PHKB: variants seen among roughly 807,000 people sequenced by gnomAD.
PHKB encodes phosphorylase b kinase regulatory subunit beta.
Under a neutral mutation model 152.1 loss-of-function variants are expected in PHKB, and 122 were observed. That is an observed-to-expected ratio of 0.80 (90% CI 0.69 to 0.93). The LOEUF is 0.93. PHKB is among the 40% of genes least tolerant of loss of function. PHKB has a pLI of 0.00. For synonymous variants in PHKB, 436 were observed against 464.9 expected (o/e 0.94, Z 0.80); for missense variants, 1,304 against 1,328.4 (o/e 0.98, Z 0.29).
At chr16:47,558,813 G>T (rs1335097276) in intron 7 of PHKB, among the ~76,000 whole-genome samples, 1 of 152,188 alleles carries the variant, frequency 6.6e-6, no homozygotes, top group Non-Finnish European at 1.5e-5. Context: ...GCCTCCCAAA[G>T]TGCTGGGATT....
At chr16:47,695,958 C>T (rs1359590608) in intron 28 of PHKB, among the ~76,000 whole-genome samples, 1 of 152,092 alleles carries the variant, frequency 6.6e-6, no homozygotes, top group African/African-American at 2.4e-5. Context: ...TTTTATGCTG[C>T]CAGCTCAGAA....
intron 8 of PHKB, among the ~76,000 whole-genome samples, chr16:47,586,138 A>G (rs1405536649): frequency 6.6e-6 from 1 of 152,130 alleles, no homozygotes; most frequent in East Asian, 1.9e-4. Flanking sequence ...CTTGTTTTAT[A>G]ATTTTCTTCT....
At chr16:47,587,558 C>A (rs963074460) in intron 8 of PHKB, 110 bp from the exon 9 acceptor site, 3 of 740,344 alleles carry the variant, frequency 4.1e-6, no homozygotes, top group Non-Finnish European at 7.1e-6. Flanking sequence ...ACTCCACACT[C>A]AAGATGCAGA....
chr16:47,669,704 C>T, intron 26 of PHKB, among the ~76,000 whole-genome samples: 1 of 152,158 alleles, frequency 6.6e-6, no homozygotes, highest in Admixed American at 6.5e-5. Flanking sequence ...GTGTAAAACG[C>T]TAAGCACAGT....
At chr16:47,635,762 G>T (rs61053970) in intron 14 of PHKB, among the ~76,000 whole-genome samples, 9,210 of 152,294 alleles carry the variant, frequency 0.06, 407 homozygotes, top group African/African-American at 0.12. Flanking sequence ...CAGACTGCCT[G>T]GGTCTGAATT....
At chr16:47,583,951 T>C (rs936433818) in intron 8 of PHKB, among the ~76,000 whole-genome samples, 1 of 152,222 alleles carries the variant, frequency 6.6e-6, no homozygotes, top group Non-Finnish European at 1.5e-5. Flanking sequence ...AATGTTAATT[T>C]TATTTTTACG....
chr16:47,517,527 G>A (rs1258162333), intron 6 of PHKB, among the ~76,000 whole-genome samples: 1 of 152,036 alleles, frequency 6.6e-6, no homozygotes. Context: ...AAAGTACTGG[G>A]ATTACATCTG....
chr16:47,669,273 G>C lies in PHKB; in HGVS notation c.2486G>C (p.Arg829Thr). ...GTTATCTCTAATCCTTTGTCTCCAAGAGTGATTCAAAACATCATCTATTAT... is the reference window on the plus strand; with the variant it reads ...GTTATCTCTAATCCTTTGTCTCCAACAGTGATTCAAAACATCATCTATTAT... The part of the protein sequence containing the change: ...EEVISNPLSP[R>T]VIQNIIYYKC... Residue 829 changes from arginine to threonine, a missense_variant, in exon 26 of 31, where the codon AGA becomes ACA. Physicochemically the swap from Arg to Thr is moderately conservative, Grantham distance 71. Coordinates refer to ENST00000323584, the MANE Select transcript of PHKB (RefSeq NM_000293.3). The C allele has an allele frequency of 2.5e-6, 4 of 1,614,100 alleles. No individual in the cohort carries two copies. The highest frequency in any genetic ancestry group is 3.4e-6 in the Non-Finnish European group (4 of 1,179,992).
At chr16:47,630,374 C>T (rs1008757216) in intron 14 of PHKB, among the ~76,000 whole-genome samples, 2 of 151,596 alleles carry the variant, frequency 1.3e-5, no homozygotes, top group Non-Finnish European at 2.9e-5. Flanking sequence ...CCCAGCTACT[C>T]GGGAGGCTGA....
chr16:47,530,153 CCAGA>C (rs1247047596), intron 6 of PHKB, among the ~76,000 whole-genome samples: 4 of 83,264 alleles, frequency 4.8e-5, no homozygotes, highest in African/African-American at 1.7e-4. Context: ...TTTTTTTTTT[CCAGA>C]CAGAGTCTTG....
chr16:47,513,906 T>C (rs1970551513), intron 5 of PHKB, among the ~76,000 whole-genome samples: 2 of 152,240 alleles, frequency 1.3e-5, no homozygotes, highest in Non-Finnish European at 2.9e-5. Context: ...TGATGGTTTT[T>C]AGTATATTCA....
chr16:47,464,369 T>C (rs1441680708), intron 1 of PHKB, among the ~76,000 whole-genome samples: 1 of 152,254 alleles, frequency 6.6e-6, no homozygotes, highest in Non-Finnish European at 1.5e-5. Context: ...ATCCCACTTA[T>C]CTGTTCTTCA....
At chr16:47,633,419 C>A (rs1972861991) in intron 14 of PHKB, among the ~76,000 whole-genome samples, 2 of 152,134 alleles carry the variant, frequency 1.3e-5, no homozygotes, top group Admixed American at 1.3e-4. Flanking sequence ...GCATGAGGGG[C>A]CCCTGTAGTT....
At position 47,537,490 on chromosome 16, in the gene PHKB, C is replaced by A. The variant is rs141683069; in HGVS notation, c.595-9943C>A. Among the ~76,000 whole-genome samples, 441 of 152,264 alleles carry A rather than the reference C, an allele frequency of 2.9e-3. 2 individuals are homozygous for A. Among genetic ancestry groups the A allele is most frequent in the African/African-American group, 0.01 (419 of 41,546 alleles). ...TGTGAATCTCCTGCTTTTGTTTGTTCGTTTTTCTTCAGAAAACTGGCCCTT... is the reference window on the plus strand; with the variant it reads ...TGTGAATCTCCTGCTTTTGTTTGTTAGTTTTTCTTCAGAAAACTGGCCCTT... On this transcript the variant is annotated intron_variant, in intron 6 of 30. Transcript: ENST00000323584.
intron 6 of PHKB, among the ~76,000 whole-genome samples, chr16:47,521,220 A>G (rs1376240330): frequency 2.0e-5 from 3 of 152,182 alleles, no homozygotes; most frequent in African/African-American, 7.2e-5. Context: ...CATATCCAAT[A>G]TGGATAGCTT....
intron 26 of PHKB, among the ~76,000 whole-genome samples, chr16:47,669,922 T>A (rs1364634987): frequency 6.6e-6 from 1 of 152,222 alleles, no homozygotes; most frequent in African/African-American, 2.4e-5. Context: ...CTTGAATATT[T>A]GTAATCAAGG....
At chr16:47,536,120 C>T (rs1263539380) in intron 6 of PHKB, among the ~76,000 whole-genome samples, 1 of 152,134 alleles carries the variant, frequency 6.6e-6, no homozygotes, top group Non-Finnish European at 1.5e-5. Flanking sequence ...GGCGCGATCT[C>T]GGCTCATAGC....
At chr16:47,470,027 A>T (rs953895575) in intron 1 of PHKB, among the ~76,000 whole-genome samples, 1 of 152,220 alleles carries the variant, frequency 6.6e-6, no homozygotes, top group African/African-American at 2.4e-5. Context: ...TTAATGTGTT[A>T]CAAGTAGTGC....
chr16:47,635,590 T>G (rs1972904693), intron 14 of PHKB, among the ~76,000 whole-genome samples: 1 of 152,178 alleles, frequency 6.6e-6, no homozygotes, highest in African/African-American at 2.4e-5. Flanking sequence ...TCAGGTCAGT[T>G]TTGTCCACAG....
Sources: allele counts gnomAD v4.1 joint callset (sites outside exome capture counted in the v4.1 genomes callset), GRCh38; gene constraint gnomAD v4.1.1; transcripts MANE v1.5; gene names NCBI Gene and HGNC (gene_info 2026-07-23, HGNC 2026-07-21).